Variants in XYLT1 observed in about 807,000 individuals in gnomAD.
XYLT1 encodes beta-D-xylosyltransferase 1.
In XYLT1, 36 loss-of-function variants were observed where a neutral mutation model predicts 91.3. That is an observed-to-expected ratio of 0.39 (90% confidence interval 0.30 to 0.52). The LOEUF (loss-of-function observed/expected upper bound fraction) is 0.52. Among genes scored for constraint, XYLT1 ranks in the 20% least tolerant of loss-of-function variants. XYLT1 has a pLI of 0.68. For missense variants in XYLT1, 1,242 were observed against 1,284.5 expected (o/e 0.97, Z 0.51); for synonymous variants, 588 against 532.0 (o/e 1.11, Z -1.45).
chr16:17,124,394 C>T (rs866428126), intron 10 of XYLT1, among the ~76,000 whole-genome samples: 21 of 152,164 alleles, frequency 1.4e-4, no homozygotes, highest in African/African-American at 4.1e-4. Context: ...TCACTGGATA[C>T]ACGATGCGTG....
chr16:17,360,045 GTGTC>G (rs1030769760), intron 1 of XYLT1, among the ~76,000 whole-genome samples: 3 of 152,170 alleles, frequency 2.0e-5, no homozygotes, highest in Non-Finnish European at 2.9e-5. Flanking sequence ...AGAGTAGTCT[GTGTC>G]TGTCTGTCTG....
intron 6 of XYLT1, 104 bp from the exon 7 acceptor site, chr16:17,141,473 T>G (rs2030972991): frequency 8.7e-7 from 1 of 1,155,224 alleles, no homozygotes; most frequent in Non-Finnish European, 1.2e-6. Context: ...TGGCAATTAT[T>G]GAGTGCCTGC....
At position 17,138,505 on chromosome 16, in the gene XYLT1, G is replaced by GTTCTCCAGGACCGTATGGAA; in HGVS notation, c.1594_1613dup (p.Pro540IlefsTer72). 1 of 1,613,826 alleles carries GTTCTCCAGGACCGTATGGAA rather than the reference G, an allele frequency of 6.2e-7. No individual in the cohort carries two copies. The highest frequency in any genetic ancestry group is 8.5e-7 in the Non-Finnish European group (1 of 1,180,030). Reference sequence around the variant, plus strand: ...CCACCATGGTGTCGCAGTGGGGGCTGTTCTCCAGGACCGTATGGAAGAAGG... The same window carrying GTTCTCCAGGACCGTATGGAA: ...CCACCATGGTGTCGCAGTGGGGGCTGTTCTCCAGGACCGTATGGAATTCTCCAGGACCGTATGGAAGAAGG... On this transcript the variant is annotated frameshift_variant, in exon 8 of 12. Coordinates refer to ENST00000261381, the MANE Select transcript of XYLT1 (RefSeq NM_022166.4). LOFTEE classifies it high-confidence loss of function.
chr16:17,300,452 C>CTTTTTTTTTTTTTTTTTTTTTTTT lies in XYLT1; in HGVS notation c.403-40955_403-40954insAAAAAAAAAAAAAAAAAAAAAAAA, dbSNP rs67480834. 2.6e-4 allele frequency among the ~76,000 whole-genome samples: 17 copies of CTTTTTTTTTTTTTTTTTTTTTTTT among 64,842 alleles called. 1 individual carries two copies. Among genetic ancestry groups the CTTTTTTTTTTTTTTTTTTTTTTTT allele is most frequent in the African/African-American group, 8.1e-4 (13 of 16,068 alleles). 42.5% of individuals were successfully genotyped at this position (64,842 alleles called of 152,430 possible). On this transcript the variant is annotated intron_variant, in intron 2 of 11. Coordinates refer to ENST00000261381, the MANE Select transcript of XYLT1 (RefSeq NM_022166.4). ...CAGCTATTTCTTTCTTTCATTCTTT[C>CTTTTTTTTTTTTTTTTTTTTTTTT]TTTTTTTTTTTTTTTTTTTTTTGAG...
At chr16:17,452,305 CTTTTTTTTTT>C (rs35177574) in intron 1 of XYLT1, among the ~76,000 whole-genome samples, 2,432 of 131,718 alleles carry the variant, frequency 0.018, 74 homozygotes, top group African/African-American at 0.066. Context: ...CAGTTTTTTT[CTTTTTTTTTT>C]TTTTTTTGTT....
intron 3 of XYLT1, among the ~76,000 whole-genome samples, chr16:17,218,706 C>T (rs2032906899): frequency 6.6e-6 from 1 of 152,188 alleles, no homozygotes; most frequent in South Asian, 2.1e-4. Context: ...AAGCCACCTG[C>T]ATATTCCAAG....
rs142517264 is a variant in XYLT1, at chr16:17,297,335, G to C, written c.403-37837C>G. On this transcript the variant is annotated intron_variant, in intron 2 of 11. Transcript: ENST00000261381. Reference sequence around the variant, plus strand: ...TAATCCCAGCACTCCAGGAAGCCAAGGCAGGAGGATCACTTGAGGCCAGGA... The same window carrying C: ...TAATCCCAGCACTCCAGGAAGCCAACGCAGGAGGATCACTTGAGGCCAGGA... 1.4e-3 allele frequency among the ~76,000 whole-genome samples: 208 copies of C among 152,276 alleles called. 1 individual carries two copies. Among genetic ancestry groups the C allele is most frequent in the African/African-American group, 4.6e-3 (192 of 41,576 alleles).
chr16:17,125,467 C>T (rs543288110), intron 10 of XYLT1, among the ~76,000 whole-genome samples: 1 of 152,244 alleles, frequency 6.6e-6, no homozygotes, highest in South Asian at 2.1e-4. Context: ...TCACTTGCTG[C>T]ACCCAGTACA....
intron 9 of XYLT1, among the ~76,000 whole-genome samples, chr16:17,132,450 C>G (rs957641770): frequency 2.0e-5 from 3 of 152,058 alleles, no homozygotes; most frequent in Non-Finnish European, 4.4e-5. Context: ...GTTACCATCA[C>G]ACACAGCAGG....
intron 1 of XYLT1, among the ~76,000 whole-genome samples, chr16:17,392,071 T>C (rs948497961): frequency 6.6e-6 from 1 of 152,226 alleles, no homozygotes; most frequent in Non-Finnish European, 1.5e-5. Flanking sequence ...CCTTATAAAA[T>C]CATAAACCAA....
At chr16:17,293,590 T>A (rs1295113845) in intron 2 of XYLT1, among the ~76,000 whole-genome samples, 1 of 149,516 alleles carries the variant, frequency 6.7e-6, no homozygotes, top group Non-Finnish European at 1.5e-5. Context: ...TGGCTTCAAG[T>A]GATTCTCCTG....
intron 5 of XYLT1, among the ~76,000 whole-genome samples, chr16:17,167,300 C>G (rs887244097): frequency 6.6e-6 from 1 of 152,250 alleles, no homozygotes; most frequent in Non-Finnish European, 1.5e-5. Context: ...TTGTTGAGTG[C>G]GAGTCGCACA....
intron 3 of XYLT1, among the ~76,000 whole-genome samples, chr16:17,213,992 C>T (rs537753712): frequency 6.6e-6 from 1 of 152,324 alleles, no homozygotes; most frequent in South Asian, 2.1e-4. Context: ...AGCAGTATTT[C>T]TCAACAGGGA....
chr16:17,128,427 C>G (rs1387618965), intron 9 of XYLT1, among the ~76,000 whole-genome samples: 1 of 152,146 alleles, frequency 6.6e-6, no homozygotes, highest in Admixed American at 6.5e-5. Flanking sequence ...AGAGCAAGTT[C>G]TCTAGCATTG....
intron 2 of XYLT1, among the ~76,000 whole-genome samples, chr16:17,347,311 C>T (rs1330265242): frequency 6.6e-6 from 1 of 152,184 alleles, no homozygotes; most frequent in Non-Finnish European, 1.5e-5. Context: ...TCCCCCGCCT[C>T]TCCCCACCCC....
intron 2 of XYLT1, among the ~76,000 whole-genome samples, chr16:17,288,181 G>A (rs867628795): frequency 3.3e-5 from 5 of 151,342 alleles, no homozygotes; most frequent in African/African-American, 7.3e-5. Flanking sequence ...CTCCCGCTTC[G>A]GCCTCCTAAA....
intron 2 of XYLT1, among the ~76,000 whole-genome samples, chr16:17,350,430 C>A (rs2035205171): frequency 6.6e-6 from 1 of 152,214 alleles, no homozygotes; most frequent in African/African-American, 2.4e-5. Flanking sequence ...GAGAATGACT[C>A]CATGCTCCAA....
At chr16:17,144,590 CTCA>C (rs1170907743) in intron 6 of XYLT1, among the ~76,000 whole-genome samples, 2 of 152,162 alleles carry the variant, frequency 1.3e-5, no homozygotes, top group Admixed American at 6.5e-5. Flanking sequence ...AGAAAACAGA[CTCA>C]TCAGAGATCT....
intron 10 of XYLT1, among the ~76,000 whole-genome samples, chr16:17,125,003 C>CT (rs1259547722): frequency 5.3e-5 from 8 of 151,720 alleles, no homozygotes; most frequent in South Asian, 2.1e-4. Flanking sequence ...TATCCTATAT[C>CT]TTTTTTTTTA....
Sources: gnomAD v4.1 joint callset for allele counts (sites outside exome capture counted in the v4.1 genomes callset) on GRCh38, gnomAD v4.1.1 for gene constraint, MANE v1.5 for transcripts, NCBI Gene and HGNC (gene_info 2026-07-23, HGNC 2026-07-21) for gene names.